Variants in DCDC1 observed in about 807,000 individuals in gnomAD.
DCDC1 encodes the protein doublecortin domain containing 1, also known as doublecortin domain-containing protein 1.
In DCDC1, 200 loss-of-function variants were observed where a neutral mutation model predicts 178.3. The observed-to-expected ratio is 1.12, with a 90% CI of 1.00 to 1.26. DCDC1 has a LOEUF of 1.26. Among genes scored for constraint, DCDC1 ranks in the 50% most tolerant of loss-of-function variants. DCDC1 has a pLI of 0.00. For missense variants in DCDC1, 1,983 were observed against 1,749.2 expected (o/e 1.13, Z -2.38); for synonymous variants, 690 against 604.8 (o/e 1.14, Z -2.07).
At chr11:30,899,262 C>A (rs1344349612) in intron 34 of DCDC1, among the ~76,000 whole-genome samples, 1 of 152,070 alleles carries the variant, frequency 6.6e-6, no homozygotes, top group Non-Finnish European at 1.5e-5. Context: ...GAGGTAGTTT[C>A]TCTTGCCCAG....
intron 10 of DCDC1, among the ~76,000 whole-genome samples, chr11:31,134,314 G>T (rs1962848480): frequency 6.6e-6 from 1 of 152,118 alleles, no homozygotes; most frequent in Non-Finnish European, 1.5e-5. Flanking sequence ...AGTGACCATG[G>T]GTACCATCTA....
intron 10 of DCDC1, among the ~76,000 whole-genome samples, chr11:31,130,528 G>C (rs1037827247): frequency 1.3e-5 from 2 of 152,108 alleles, no homozygotes; most frequent in Non-Finnish European, 2.9e-5. Flanking sequence ...ATACTGGTGA[G>C]AGCCACAAAC....
intron 7 of DCDC1, among the ~76,000 whole-genome samples, chr11:31,285,726 C>T (rs1021492696): frequency 6.6e-6 from 1 of 152,074 alleles, no homozygotes; most frequent in East Asian, 1.9e-4. Context: ...TATACCTTGA[C>T]ATCCATATAG....
chr11:30,865,559 G>A (rs912818633), intron 38 of DCDC1, among the ~76,000 whole-genome samples: 7 of 152,176 alleles, frequency 4.6e-5, no homozygotes, highest in African/African-American at 1.7e-4. Flanking sequence ...TGTTTTCATA[G>A]CTCTGTGATA....
At chr11:31,125,596 T>C (rs1051481555) in intron 11 of DCDC1, among the ~76,000 whole-genome samples, 1 of 152,150 alleles carries the variant, frequency 6.6e-6, no homozygotes, top group Non-Finnish European at 1.5e-5. Context: ...TATGCAGCCA[T>C]GAAAAGGAAT....
chr11:31,162,530 AT>A (rs1167548480), intron 9 of DCDC1, among the ~76,000 whole-genome samples: 2 of 152,176 alleles, frequency 1.3e-5, no homozygotes, highest in Non-Finnish European at 2.9e-5. Flanking sequence ...AAATTGTATT[AT>A]GTTTTCAATC....
intron 17 of DCDC1, among the ~76,000 whole-genome samples, chr11:31,089,337 G>A (rs1473926505): frequency 1.3e-5 from 2 of 151,880 alleles, no homozygotes; most frequent in Non-Finnish European, 2.9e-5. Context: ...TACATAATAC[G>A]CCTGTTCTCT....
intron 20 of DCDC1, among the ~76,000 whole-genome samples, chr11:30,974,886 C>T (rs978682278): frequency 2.6e-5 from 4 of 152,048 alleles, no homozygotes; most frequent in Non-Finnish European, 5.9e-5. Context: ...CCAGTGTTAC[C>T]TTAATACCAA....
intron 9 of DCDC1, among the ~76,000 whole-genome samples, chr11:31,186,218 C>T (rs1020200842): frequency 1.3e-5 from 2 of 152,124 alleles, no homozygotes; most frequent in Non-Finnish European, 2.9e-5. Context: ...TCAGCCCTCT[C>T]CACTCTCTCC....
At chr11:31,015,364 A>G (rs938766290) in intron 20 of DCDC1, among the ~76,000 whole-genome samples, 2 of 152,118 alleles carry the variant, frequency 1.3e-5, no homozygotes, top group African/African-American at 4.8e-5. Flanking sequence ...AATATTAAAA[A>G]TTGTTTCCTG....
chr11:31,130,444 C>T (rs914440058), intron 10 of DCDC1, among the ~76,000 whole-genome samples: 13 of 152,116 alleles, frequency 8.5e-5, no homozygotes, highest in Non-Finnish European at 8.8e-5. Flanking sequence ...TCCGCCTGCC[C>T]ACCCCACCCC....
At chr11:31,287,414 G>A (rs752913447) in intron 7 of DCDC1, among the ~76,000 whole-genome samples, 4 of 151,902 alleles carry the variant, frequency 2.6e-5, no homozygotes, top group Non-Finnish European at 4.4e-5. Flanking sequence ...AAAACCTACA[G>A]TAAAAGGATA....
intron 9 of DCDC1, among the ~76,000 whole-genome samples, chr11:31,150,379 A>G (rs986584960): frequency 6.6e-6 from 1 of 152,236 alleles, no homozygotes; most frequent in Non-Finnish European, 1.5e-5. Flanking sequence ...AACAATGGGA[A>G]ATAATATCAT....
At chr11:31,101,569 T>C (rs1385790297) in intron 15 of DCDC1, among the ~76,000 whole-genome samples, 2 of 152,134 alleles carry the variant, frequency 1.3e-5, no homozygotes, top group African/African-American at 2.4e-5. Context: ...CTCCAACTTA[T>C]TATTATAGCT....
intron 9 of DCDC1, among the ~76,000 whole-genome samples, chr11:31,186,225 C>G (rs1280819021): frequency 6.6e-6 from 1 of 152,164 alleles, no homozygotes; most frequent in Non-Finnish European, 1.5e-5. Context: ...TCTCCACTCT[C>G]TCCAACACTC....
At chr11:31,041,682 A>C (rs1480500536) in intron 20 of DCDC1, among the ~76,000 whole-genome samples, 1 of 152,132 alleles carries the variant, frequency 6.6e-6, no homozygotes, top group Non-Finnish European at 1.5e-5. Context: ...ACAACTATCA[A>C]CTGAGGAATT....
intron 1 of DCDC1, among the ~76,000 whole-genome samples, chr11:31,351,318 T>A (rs1374834063): frequency 6.6e-6 from 1 of 152,138 alleles, no homozygotes; most frequent in East Asian, 1.9e-4. Context: ...GAAAAGGTGT[T>A]CTGAATTTTA....
intron 9 of DCDC1, among the ~76,000 whole-genome samples, chr11:31,213,064 T>C (rs1405480079): frequency 6.7e-6 from 1 of 149,976 alleles, no homozygotes; most frequent in African/African-American, 2.5e-5. Context: ...GACATGTGCA[T>C]TGGTGAAACT....
chr11:31,172,785 T>C (rs1416714046), intron 9 of DCDC1, among the ~76,000 whole-genome samples: 1 of 152,160 alleles, frequency 6.6e-6, no homozygotes, highest in Admixed American at 6.5e-5. Context: ...TCTTCCTCTT[T>C]AGCAAGCTGA....
Sources: allele counts gnomAD v4.1 joint callset (sites outside exome capture counted in the v4.1 genomes callset), GRCh38; gene constraint gnomAD v4.1.1; transcripts MANE v1.5; gene names NCBI Gene and HGNC (gene_info 2026-07-23, HGNC 2026-07-21).